RAB28: variants seen among roughly 807,000 people sequenced by gnomAD.
RAB28 encodes RAB28, member RAS oncogene family.
Under a neutral mutation model 31.7 loss-of-function variants are expected in RAB28, and 24 were observed. The observed-to-expected ratio is 0.76, with a 90% CI of 0.55 to 1.06. The LOEUF is 1.06. RAB28 is among the 50% of genes least tolerant of loss of function. The probability of loss-of-function intolerance (pLI) is 0.00; values close to 1 mark genes in which losing one functional copy is unlikely to be tolerated. For synonymous variants in RAB28, 100 were observed against 90.4 expected, an observed-to-expected ratio of 1.11 and a Z score of -0.60; for missense variants, 254 against 258.5, an observed-to-expected ratio of 0.98 and a Z score of 0.12.
intron 4 of RAB28, among the ~76,000 whole-genome samples, chr4:13,423,592 A>G (rs536359769): frequency 3.8e-4 from 58 of 152,274 alleles, no homozygotes; most frequent in Middle Eastern, 3.4e-3. Flanking sequence ...ACACAGCCAT[A>G]CTCATTCATT....
chr4:13,376,756 G>T, intron 5 of RAB28, 134 bp from the exon 6 acceptor site: 2 of 482,352 alleles, frequency 4.1e-6, no homozygotes, highest in East Asian at 3.3e-5. Context: ...TCCAAAAATA[G>T]CTTTATTTGT....
At chr4:13,460,623 T>C in intron 4 of RAB28, 76 bp downstream of exon 4, 1 of 1,563,268 alleles carries the variant, frequency 6.4e-7, no homozygotes, top group Non-Finnish European at 8.8e-7. Context: ...AAATTGGGGG[T>C]GGTGGGGGGA....
At chr4:13,472,138 A>G (rs774416821) in intron 3 of RAB28, among the ~76,000 whole-genome samples, 4 of 152,024 alleles carry the variant, frequency 2.6e-5, no homozygotes, top group African/African-American at 9.6e-5. Context: ...CCGATTATAT[A>G]CTTTATTTTT....
chr4:13,405,997 AC>A (rs200717316), intron 4 of RAB28, among the ~76,000 whole-genome samples: 2,415 of 152,060 alleles, frequency 0.016, 58 homozygotes, highest in African/African-American at 0.056. Flanking sequence ...ACAAAACAGA[AC>A]CTTTTTAAAA....
intron 3 of RAB28, among the ~76,000 whole-genome samples, chr4:13,472,130 G>A (rs1158558521): frequency 1.3e-5 from 2 of 151,966 alleles, no homozygotes; most frequent in East Asian, 1.9e-4. Context: ...AAATGACACC[G>A]ATTATATACT....
chr4:13,385,047 T>C (rs1729303738), intron 4 of RAB28, among the ~76,000 whole-genome samples: 2 of 152,120 alleles, frequency 1.3e-5, no homozygotes, highest in Admixed American at 6.5e-5. Flanking sequence ...ACTACAGTAA[T>C]TTCATAATGC....
chr4:13,391,362 C>T (rs935929216), intron 4 of RAB28, among the ~76,000 whole-genome samples: 1 of 152,192 alleles, frequency 6.6e-6, no homozygotes, highest in Non-Finnish European at 1.5e-5. Flanking sequence ...GAGATACCAT[C>T]TCACACCAGT....
At chr4:13,371,824 G>C (rs769154790) in intron 6 of RAB28, 2 of 1,547,360 alleles carry the variant, frequency 1.3e-6, no homozygotes, top group Admixed American at 2.0e-5. Flanking sequence ...AAGCACACTC[G>C]ATTATTCTCT....
intron 4 of RAB28, among the ~76,000 whole-genome samples, chr4:13,383,747 A>C (rs73229643): frequency 0.014 from 2,102 of 152,254 alleles, 24 homozygotes; most frequent in Middle Eastern, 0.044. Flanking sequence ...TTATAGTTTT[A>C]TAAAGGGCAG....
At chr4:13,422,765 G>A (rs1713239718) in intron 4 of RAB28, among the ~76,000 whole-genome samples, 1 of 151,892 alleles carries the variant, frequency 6.6e-6, no homozygotes, top group African/African-American at 2.4e-5. Context: ...TGGGGGACGG[G>A]GGAGGGATAG....
chr4:13,475,788 G>C (rs1216204909), intron 2 of RAB28, among the ~76,000 whole-genome samples: 1 of 151,518 alleles, frequency 6.6e-6, no homozygotes, highest in Non-Finnish European at 1.5e-5. Context: ...ACTAAGATTT[G>C]TCCAAAAACT....
intron 6 of RAB28, among the ~76,000 whole-genome samples, chr4:13,375,054 C>G (rs1319599154): frequency 6.6e-6 from 1 of 152,104 alleles, no homozygotes; most frequent in East Asian, 1.9e-4. Flanking sequence ...CATTTTCTCC[C>G]TTCCCACTCC....
chr4:13,467,089 A>G (rs1715890265), intron 3 of RAB28, among the ~76,000 whole-genome samples: 1 of 151,818 alleles, frequency 6.6e-6, no homozygotes, highest in South Asian at 2.1e-4. Context: ...TTTTTTTTTG[A>G]GAACTATTGC....
intron 4 of RAB28, among the ~76,000 whole-genome samples, chr4:13,418,205 A>T (rs913672395): frequency 1.3e-5 from 2 of 152,208 alleles, no homozygotes; most frequent in Non-Finnish European, 2.9e-5. Context: ...TTAAGAGAAA[A>T]AAGAGTAAAA....
chr4:13,432,018 A>C (rs535730704), intron 4 of RAB28, among the ~76,000 whole-genome samples: 2 of 152,298 alleles, frequency 1.3e-5, no homozygotes, highest in Non-Finnish European at 2.9e-5. Flanking sequence ...AGATCCAGAG[A>C]AAGCTGAAAT....
At chr4:13,471,540 C>T (rs1163885689) in intron 3 of RAB28, among the ~76,000 whole-genome samples, 1 of 151,756 alleles carries the variant, frequency 6.6e-6, no homozygotes, top group Non-Finnish European at 1.5e-5. Flanking sequence ...CTCACTCTTT[C>T]GCCCAGGCTG....
chr4:13,460,362 T>C (rs555421229), intron 4 of RAB28, among the ~76,000 whole-genome samples: 1 of 152,300 alleles, frequency 6.6e-6, no homozygotes, highest in East Asian at 1.9e-4. Flanking sequence ...ATGTCTCTTA[T>C]GAAGGCATTA....
chr4:13,424,985 A>G (rs772609890), intron 4 of RAB28, among the ~76,000 whole-genome samples: 2 of 152,074 alleles, frequency 1.3e-5, no homozygotes, highest in Non-Finnish European at 2.9e-5. Flanking sequence ...CCTCAGAAGA[A>G]TCATCTACAC....
intron 5 of RAB28, among the ~76,000 whole-genome samples, chr4:13,377,266 G>A (rs1447942082): frequency 6.6e-6 from 1 of 152,178 alleles, no homozygotes; most frequent in Non-Finnish European, 1.5e-5. Flanking sequence ...CAGGTCTGCT[G>A]TAATTACTAG....
Sources: gnomAD v4.1 joint callset for allele counts (sites outside exome capture counted in the v4.1 genomes callset) on GRCh38, gnomAD v4.1.1 for gene constraint, MANE v1.5 for transcripts, NCBI Gene and HGNC (gene_info 2026-07-23, HGNC 2026-07-21) for gene names.